The following RBM20 variants were observed in gnomAD, a reference collection of about 807,000 sequenced individuals.
RBM20 encodes the protein RNA-binding protein 20.
Under a neutral mutation model 110.1 loss-of-function variants are expected in RBM20, and 51 were observed. The ratio of observed to expected loss-of-function variants is 0.46; its 90% CI spans 0.37 to 0.59. The LOEUF (loss-of-function observed/expected upper bound fraction) is 0.59. Among genes scored for constraint, RBM20 ranks in the 20% least tolerant of loss-of-function variants. RBM20 has a pLI of 0.00. For synonymous variants in RBM20, 589 were observed against 618.2 expected (o/e 0.95, Z 0.70); for missense variants, 1,512 against 1,574.9 (o/e 0.96, Z 0.68).
At chr10:110,784,931 T>C in intron 5 of RBM20, 42 bp downstream of exon 5, 1 of 1,217,228 alleles carries the variant, frequency 8.2e-7, no homozygotes, top group African/African-American at 1.5e-5. Context: ...ATGAAAATGA[T>C]TATTAGTTTA....
At chr10:110,647,172 A>C (rs1442394818) in intron 1 of RBM20, among the ~76,000 whole-genome samples, 3 of 152,228 alleles carry the variant, frequency 2.0e-5, no homozygotes, top group Non-Finnish European at 4.4e-5. Flanking sequence ...ATTATAATAA[A>C]AATCAGTTCC....
intron 1 of RBM20, among the ~76,000 whole-genome samples, chr10:110,746,818 A>T (rs1413001496): frequency 6.6e-6 from 1 of 152,218 alleles, no homozygotes; most frequent in Non-Finnish European, 1.5e-5. Flanking sequence ...ATCACAATGG[A>T]CTCAATCATG....
intron 7 of RBM20, among the ~76,000 whole-genome samples, chr10:110,805,043 G>A (rs770219057): frequency 2.0e-5 from 3 of 152,210 alleles, no homozygotes; most frequent in Admixed American, 6.5e-5. Context: ...GGTGCTCTCA[G>A]TTGGGAAGAT....
intron 4 of RBM20, 130 bp downstream of exon 4, chr10:110,784,562 C>T: frequency 3.9e-6 from 3 of 769,184 alleles, no homozygotes; most frequent in Admixed American, 2.1e-5. Context: ...CAAACAGATC[C>T]CAAGACACTA....
intron 1 of RBM20, among the ~76,000 whole-genome samples, chr10:110,674,832 G>T (rs987077411): frequency 2.6e-5 from 4 of 152,192 alleles, no homozygotes; most frequent in Non-Finnish European, 5.9e-5. Context: ...TCCCACCGGA[G>T]GATATGCCTA....
At chr10:110,795,559 G>A (rs992741778) in intron 5 of RBM20, among the ~76,000 whole-genome samples, 1 of 152,224 alleles carries the variant, frequency 6.6e-6, no homozygotes, top group Admixed American at 6.5e-5. Context: ...AATTACCCAA[G>A]TATTAGCCCT....
chr10:110,763,751 C>CTTTTTTTTTT (rs56845100), intron 1 of RBM20, among the ~76,000 whole-genome samples: 3 of 64,394 alleles, frequency 4.7e-5, no homozygotes, highest in Non-Finnish European at 8.6e-5. Context: ...GGCTTCTTGG[C>CTTTTTTTTTT]TTTTTTTTTT....
intron 1 of RBM20, among the ~76,000 whole-genome samples, chr10:110,674,173 T>A (rs1200656412): frequency 6.6e-6 from 1 of 152,232 alleles, no homozygotes; most frequent in Non-Finnish European, 1.5e-5. Context: ...CTACTCAGTC[T>A]GCAAACATAT....
At position 110,781,668 on chromosome 10, in the gene RBM20, G is replaced by A. The variant is rs749130573; in HGVS notation, c.1059G>A (p.Glu353=). ...HNQPYELYDP[E]EPTSDRTPPS... is the part of the protein sequence containing the mutation. ...AGCCCTATGAGCTGTACGACCCCGAGGAACCAACCTCAGACAGGACACCTC... is the reference window on the plus strand; with the variant it reads ...AGCCCTATGAGCTGTACGACCCCGAAGAACCAACCTCAGACAGGACACCTC... The change falls in exon 2 of 14, where the codon GAG becomes GAA. Residue 353 remains glutamate, a synonymous_variant. Transcript: ENST00000369519. 27 of 1,548,364 alleles carry A rather than the reference G, an allele frequency of 1.7e-5. No individual in the cohort carries two copies. The highest frequency in any genetic ancestry group is 3.9e-5 in the Admixed American group (2 of 50,844).
chr10:110,812,323 A>C lies in RBM20; in HGVS notation c.1926A>C (p.Ser642=), dbSNP rs1590695693. The C allele has an allele frequency of 6.5e-7, 1 of 1,549,802 alleles. No individual in the cohort carries two copies. Among genetic ancestry groups the C allele is most frequent in the Non-Finnish European group, 8.7e-7 (1 of 1,146,388 alleles). The part of the protein sequence containing the change: ...RPRSRSPVSR[S]LSPRSHTPSF... Reference sequence around the variant, plus strand: ...GGTCTCGTAGTCCGGTGAGCCGGTCACTCTCCCCGAGGTCCCACACTCCCA... The same window carrying C: ...GGTCTCGTAGTCCGGTGAGCCGGTCCCTCTCCCCGAGGTCCCACACTCCCA... Residue 642 remains serine (S), a synonymous_variant, in exon 9 of 14, where the codon TCA becomes TCC. Transcript: ENST00000369519.
At chr10:110,670,459 G>A (rs1292012106) in intron 1 of RBM20, among the ~76,000 whole-genome samples, 1 of 152,184 alleles carries the variant, frequency 6.6e-6, no homozygotes, top group Non-Finnish European at 1.5e-5. Context: ...TAGCTGCTGG[G>A]TGTGAAAAGC....
intron 5 of RBM20, among the ~76,000 whole-genome samples, chr10:110,789,025 C>T (rs1216401872): frequency 6.6e-6 from 1 of 152,230 alleles, no homozygotes; most frequent in Non-Finnish European, 1.5e-5. Context: ...CATTTTCCTC[C>T]ACAAGTGAGG....
At chr10:110,820,246 G>C in intron 10 of RBM20, 70 bp downstream of exon 10, 1 of 1,026,280 alleles carries the variant, frequency 9.7e-7, no homozygotes, top group Non-Finnish European at 1.5e-6. Flanking sequence ...CTTTTGCCTG[G>C]TGATGTCCTG....
chr10:110,781,092 T>C lies in RBM20; in HGVS notation c.483T>C (p.Ser161=). 1 of 1,551,932 alleles carries C rather than the reference T, an allele frequency of 6.4e-7. No homozygotes were observed. The highest frequency in any genetic ancestry group is 2.4e-5 in the East Asian group (1 of 40,922). Residue 161 remains serine, a synonymous_variant, in exon 2 of 14, where the codon AGT becomes AGC. Coordinates refer to ENST00000369519, the MANE Select transcript of RBM20 (RefSeq NM_001134363.3). ...GVPQHAAAIP[S]TRFPSNAIAF... ...CCCAACATGCTGCAGCCATACCCAG[T>C]ACCCGGTTTCCCTCTAATGCAATTG...
rs1336088465 is a variant in RBM20 at position 110,670,754 on chromosome 10, GT to G, written c.191+26112del. 3.3e-5 allele frequency among the ~76,000 whole-genome samples: 5 copies of G among 152,246 alleles called. 1 individual carries two copies. In the South Asian group the frequency reaches 1.0e-3, roughly 32 times the overall value. On this transcript the variant is annotated intron_variant, in intron 1 of 13. Transcript: ENST00000369519. ...CATAAATACTTTGAGATGTACTTCA[GT>G]TTCTCCAAACTTTATGCATAACAAC... is the stretch of plus-strand genomic sequence containing the variant.
At chr10:110,801,770 A>G (rs888050824) in intron 7 of RBM20, among the ~76,000 whole-genome samples, 1 of 145,952 alleles carries the variant, frequency 6.9e-6, no homozygotes, top group African/African-American at 2.6e-5. Flanking sequence ...TGGTCTCAAT[A>G]TCCTGACCTT....
At position 110,717,323 on chromosome 10, in the gene RBM20, A is replaced by G. The variant is rs117237138; in HGVS notation, c.192-63478A>G. 2.2e-3 allele frequency among the ~76,000 whole-genome samples: 341 copies of G among 152,230 alleles called. 2 individuals carry two copies. Among genetic ancestry groups the G allele is most frequent in the Non-Finnish European group, 3.9e-3 (268 of 68,022 alleles). On this transcript the variant is annotated intron_variant, in intron 1 of 13. Transcript: ENST00000369519. The stretch of plus-strand genomic sequence containing the variant: ...ACTGTTGGGACCTTCAAATCTCATA[A>G]ATATTCTACTGCCCTCCTCCCCCTC...
intron 11 of RBM20, 29 bp from the exon 12 acceptor site, chr10:110,823,451 T>TCCTTTG: frequency 1.9e-6 from 2 of 1,047,912 alleles, no homozygotes; most frequent in Non-Finnish European, 2.5e-6. Flanking sequence ...TTTTTTTTTT[T>TCCTTTG]TTTTTTTGCC....
intron 1 of RBM20, among the ~76,000 whole-genome samples, chr10:110,645,986 TTC>T (rs1163800482): frequency 2.6e-5 from 4 of 152,244 alleles, no homozygotes; most frequent in African/African-American, 9.6e-5. Context: ...TACTTAAAAT[TTC>T]TCTTTATTCC....
Sources: gnomAD v4.1 joint callset for allele counts (sites outside exome capture counted in the v4.1 genomes callset) on GRCh38, gnomAD v4.1.1 for gene constraint, MANE v1.5 for transcripts, NCBI Gene and HGNC (gene_info 2026-07-23, HGNC 2026-07-21) for gene names.